RTL4: variants seen among roughly 807,000 people sequenced by gnomAD.
RTL4 encodes the protein retrotransposon Gag-like protein 4.
A neutral mutation model predicts 5.3 loss-of-function variants in RTL4; 4 were observed. That is an observed-to-expected ratio of 0.75 (90% CI 0.37 to 1.72). The LOEUF is 1.72. Among genes scored for constraint, RTL4 ranks in the 40% most tolerant of loss-of-function variants. The pLI, the probability that RTL4 is intolerant of heterozygous loss-of-function variation, is 0.04. For synonymous variants in RTL4, 98 were observed against 87.3 expected (o/e 1.12, Z -0.68); for missense variants, 260 against 227.1 (o/e 1.14, Z -0.93).
the RTL4 span, among the ~76,000 whole-genome samples, chrX:112,427,434 A>G: frequency 9.0e-6 from 1 of 111,042 alleles, no homozygotes; most frequent in Non-Finnish European, 1.9e-5. Flanking sequence ...AATAGAGAAA[A>G]AAACCTCTCA....
chrX:112,266,322 G>A, the RTL4 span, among the ~76,000 whole-genome samples: 22 of 111,442 alleles, frequency 2.0e-4, no homozygotes, highest in African/African-American at 6.8e-4. Context: ...AACAAATACC[G>A]GGCTGGCAGC....
At chrX:112,347,218 C>A in the RTL4 span, among the ~76,000 whole-genome samples, 1 of 111,529 alleles carries the variant, frequency 9.0e-6, no homozygotes, top group Non-Finnish European at 1.9e-5. Flanking sequence ...GCTTCAAGTA[C>A]AAGACAAACT....
chrX:112,248,671 G>A, the RTL4 span, among the ~76,000 whole-genome samples: 8 of 111,803 alleles, frequency 7.2e-5, no homozygotes, highest in East Asian at 1.4e-3. Flanking sequence ...AAACAGAGTC[G>A]TCAATATATT....
At chrX:112,285,131 A>T in the RTL4 span, among the ~76,000 whole-genome samples, 81 of 112,045 alleles carry the variant, frequency 7.2e-4, no homozygotes, top group Non-Finnish European at 1.3e-3. Flanking sequence ...GGGAGCTTGT[A>T]TCTTTGAATC....
the RTL4 span, among the ~76,000 whole-genome samples, chrX:112,244,772 G>A: frequency 8.9e-6 from 1 of 111,789 alleles, no homozygotes; most frequent in Admixed American, 9.5e-5. Flanking sequence ...GTTCATTGAT[G>A]CAGTTTCTTC....
At chrX:112,293,060 A>G in the RTL4 span, among the ~76,000 whole-genome samples, 2 of 112,136 alleles carry the variant, frequency 1.8e-5, no homozygotes, top group African/African-American at 6.5e-5. Flanking sequence ...CAAAAGACCA[A>G]CCAATCTGGA....
At chrX:112,332,461 G>C in the RTL4 span, among the ~76,000 whole-genome samples, 1 of 111,047 alleles carries the variant, frequency 9.0e-6, no homozygotes, top group Non-Finnish European at 1.9e-5. Context: ...ACTGGATTAA[G>C]AAAATGTGGC....
At chrX:112,324,945 T>C in the RTL4 span, among the ~76,000 whole-genome samples, 2 of 111,425 alleles carry the variant, frequency 1.8e-5, no homozygotes, top group Non-Finnish European at 3.8e-5. Context: ...TGATTGAAAA[T>C]AGGGTATTAA....
At chrX:112,396,563 A>G in the RTL4 span, among the ~76,000 whole-genome samples, 1 of 111,205 alleles carries the variant, frequency 9.0e-6, no homozygotes, top group Non-Finnish European at 1.9e-5. Context: ...AGACATACGG[A>G]AAAATTGAGC....
At chrX:112,201,257 G>T in the RTL4 span, among the ~76,000 whole-genome samples, 1 of 111,083 alleles carries the variant, frequency 9.0e-6, no homozygotes, top group South Asian at 3.9e-4. Context: ...ACCTCCACCT[G>T]GTCTCTCCAT....
chrX:112,086,107 C>T, the RTL4 span, among the ~76,000 whole-genome samples: 1 of 112,103 alleles, frequency 8.9e-6, no homozygotes, highest in Admixed American at 9.4e-5. Context: ...TCCAACCTGG[C>T]TTTTTCCCTC....
At chrX:112,229,851 G>T in the RTL4 span, among the ~76,000 whole-genome samples, 1 of 111,839 alleles carries the variant, frequency 8.9e-6, no homozygotes, top group East Asian at 2.8e-4. Flanking sequence ...GTGGATATTG[G>T]TGAACCGCAA....
the RTL4 span, among the ~76,000 whole-genome samples, chrX:112,147,097 A>G: frequency 9.2e-6 from 1 of 108,258 alleles, no homozygotes; most frequent in African/African-American, 3.4e-5. Context: ...GGGCCAAATT[A>G]TTTCCCTTCT....
chrX:112,303,140 G>A, the RTL4 span, among the ~76,000 whole-genome samples: 1 of 111,934 alleles, frequency 8.9e-6, no homozygotes, highest in East Asian at 2.8e-4. Context: ...TAGACCACAT[G>A]TTGAGAATCT....
the RTL4 span, among the ~76,000 whole-genome samples, chrX:112,307,172 C>A: frequency 8.0e-5 from 9 of 112,167 alleles, no homozygotes; most frequent in Admixed American, 8.5e-4. Context: ...TAATAGCTAA[C>A]ATGTATTAAT....
At chrX:112,175,953 A>T in the RTL4 span, among the ~76,000 whole-genome samples, 1 of 110,869 alleles carries the variant, frequency 9.0e-6, no homozygotes, top group African/African-American at 3.3e-5. Flanking sequence ...CTGTTTGCAG[A>T]TGACATGATT....
the RTL4 span, among the ~76,000 whole-genome samples, chrX:112,378,494 G>A: frequency 1.8e-5 from 2 of 111,551 alleles, no homozygotes; most frequent in Non-Finnish European, 3.8e-5. Context: ...AAAGATCAAG[G>A]ACAAGAAAGT....
chrX:112,446,451 C>T, the RTL4 span, among the ~76,000 whole-genome samples: 1 of 111,888 alleles, frequency 8.9e-6, no homozygotes, highest in Non-Finnish European at 1.9e-5. Flanking sequence ...GCATTTTTCC[C>T]ACTGCCACCA....
At chrX:112,231,214 C>T in the RTL4 span, among the ~76,000 whole-genome samples, 302 of 111,062 alleles carry the variant, frequency 2.7e-3, no homozygotes, top group African/African-American at 8.9e-3. Context: ...CCCAGCCATC[C>T]CATTACTGGG....
Sources: gnomAD v4.1 joint callset for allele counts (sites outside exome capture counted in the v4.1 genomes callset) on GRCh38, gnomAD v4.1.1 for gene constraint, MANE v1.5 for transcripts, NCBI Gene and HGNC (gene_info 2026-07-23, HGNC 2026-07-21) for gene names.